The following LHFPL3 variants were observed in gnomAD, a reference collection of about 807,000 sequenced individuals.
The protein encoded by LHFPL3 is LHFPL tetraspan subfamily member 3.
Under a neutral mutation model 19.3 loss-of-function variants are expected in LHFPL3, and 5 were observed. The ratio of observed to expected loss-of-function variants is 0.26; its 90% confidence interval spans 0.14 to 0.54. LHFPL3 has a LOEUF of 0.54. Ranked by LOEUF, LHFPL3 falls within the 20% of genes least tolerant of loss-of-function variation. The pLI is 0.94. For missense variants in LHFPL3, 249 were observed against 307.4 expected (o/e 0.81, Z 1.42); for synonymous variants, 133 against 126.2 (o/e 1.05, Z -0.36).
intron 1 of LHFPL3, among the ~76,000 whole-genome samples, chr7:104,499,545 A>T (rs1793557666): frequency 6.6e-6 from 1 of 152,218 alleles, no homozygotes. Context: ...TCCATGACTC[A>T]GAGACCTTTG....
chr7:104,452,552 T>C (rs1311397648), intron 1 of LHFPL3, among the ~76,000 whole-genome samples: 1 of 152,208 alleles, frequency 6.6e-6, no homozygotes, highest in Non-Finnish European at 1.5e-5. Flanking sequence ...TACCTAATGA[T>C]GAACTGGTAT....
chr7:104,686,348 GA>G (rs1792805649), intron 1 of LHFPL3, among the ~76,000 whole-genome samples: 1 of 152,168 alleles, frequency 6.6e-6, no homozygotes, highest in Non-Finnish European at 1.5e-5. Flanking sequence ...TAGAGAAGTG[GA>G]ATTCACTGCA....
intron 1 of LHFPL3, among the ~76,000 whole-genome samples, chr7:104,559,553 T>C (rs1193149950): frequency 1.3e-5 from 2 of 151,840 alleles, no homozygotes; most frequent in East Asian, 3.9e-4. Context: ...TTTGCTGAAG[T>C]TGCTTATCAG....
chr7:104,752,924 G>A (rs1165912769), intron 2 of LHFPL3: 1 of 333,192 alleles, frequency 3.0e-6, no homozygotes, highest in Non-Finnish European at 5.4e-6. Context: ...TCTTACATCA[G>A]TGTGGTCCAG....
chr7:104,689,668 T>C (rs1448676105), intron 1 of LHFPL3, among the ~76,000 whole-genome samples: 1 of 152,116 alleles, frequency 6.6e-6, no homozygotes, highest in Non-Finnish European at 1.5e-5. Context: ...TAACTGTGCA[T>C]TGGGAAAAGG....
At chr7:104,367,364 C>T (rs984160671) in intron 1 of LHFPL3, among the ~76,000 whole-genome samples, 3 of 152,188 alleles carry the variant, frequency 2.0e-5, no homozygotes, top group Non-Finnish European at 4.4e-5. Flanking sequence ...ATCAGATGTT[C>T]TATGGTTAAC....
chr7:104,707,419 C>G (rs1195421774), intron 1 of LHFPL3, among the ~76,000 whole-genome samples: 1 of 152,176 alleles, frequency 6.6e-6, no homozygotes, highest in Non-Finnish European at 1.5e-5. Flanking sequence ...TAGGAATTAC[C>G]AGGGTGTACT....
At chr7:104,494,059 A>T (rs1464803302) in intron 1 of LHFPL3, among the ~76,000 whole-genome samples, 1 of 152,238 alleles carries the variant, frequency 6.6e-6, no homozygotes, top group African/African-American at 2.4e-5. Flanking sequence ...TAGAAAATTT[A>T]AAACTGCATA....
intron 1 of LHFPL3, among the ~76,000 whole-genome samples, chr7:104,518,835 A>G (rs1044499342): frequency 3.4e-5 from 5 of 145,160 alleles, no homozygotes; most frequent in African/African-American, 5.7e-5. Flanking sequence ...AGATAGATAG[A>G]TAGATAGATA....
At chr7:104,801,398 G>A (rs1295928007) in intron 2 of LHFPL3, among the ~76,000 whole-genome samples, 4 of 152,178 alleles carry the variant, frequency 2.6e-5, no homozygotes, top group Non-Finnish European at 4.4e-5. Flanking sequence ...AAGGGGGTCA[G>A]GGGGATTCGT....
At chr7:104,532,318 C>CTT (rs71155504) in intron 1 of LHFPL3, among the ~76,000 whole-genome samples, 27,183 of 86,990 alleles carry the variant, frequency 0.31, 3,420 homozygotes, top group Middle Eastern at 0.36. Context: ...TTCTTTCTGT[C>CTT]TTTTTTTTTT....
intron 1 of LHFPL3, among the ~76,000 whole-genome samples, chr7:104,446,000 C>T (rs1018036058): frequency 6.6e-5 from 10 of 152,124 alleles, no homozygotes; most frequent in African/African-American, 9.6e-5. Context: ...TTGTTCTTAT[C>T]GACAGGAAGG....
At chr7:104,839,876 G>C (rs1355727950) in intron 2 of LHFPL3, among the ~76,000 whole-genome samples, 1 of 152,014 alleles carries the variant, frequency 6.6e-6, no homozygotes, top group Non-Finnish European at 1.5e-5. Flanking sequence ...TGGTGGGGTG[G>C]TCCTGGATCA....
intron 1 of LHFPL3, among the ~76,000 whole-genome samples, chr7:104,614,680 C>CTTCCTTCCTTCTTTCTTTCTTTCT (rs767634683): frequency 2.1e-5 from 2 of 94,416 alleles, no homozygotes; most frequent in Non-Finnish European, 4.4e-5. Context: ...TCCTTCCTTC[C>CTTCCTTCCTTCTTTCTTTCTTTCT]TTCTTTCTTT....
chr7:104,900,624 C>G (rs989028984), intron 2 of LHFPL3, among the ~76,000 whole-genome samples: 1 of 152,172 alleles, frequency 6.6e-6, no homozygotes, highest in Non-Finnish European at 1.5e-5. Flanking sequence ...GGGCTCCAGA[C>G]CCTAATTAAA....
At chr7:104,788,299 G>A (rs991448599) in intron 2 of LHFPL3, among the ~76,000 whole-genome samples, 1 of 152,110 alleles carries the variant, frequency 6.6e-6, no homozygotes, top group African/African-American at 2.4e-5. Context: ...GATCTGAAAT[G>A]GCTCTTCAAG....
Position 104,478,644 on chromosome 7 carries a change from A to C in LHFPL3, c.445+149420A>C, listed in dbSNP as rs147858604. Among the ~76,000 whole-genome samples the C allele has an allele frequency of 4.6e-3, 695 of 152,276 alleles. 7 individuals are homozygous for C. The highest frequency in any genetic ancestry group is 0.01 in the Admixed American group (156 of 15,302). On this transcript the variant is annotated intron_variant, in intron 1 of 2. Coordinates refer to ENST00000424859, the MANE Select transcript of LHFPL3 (RefSeq NM_199000.3). ...TCCCTGGATCTTCTTTGAATGATAC[A>C]GTGTGTTCCATGCATTCCATCCCTG...
chr7:104,542,700 G>A (rs1336681398), intron 1 of LHFPL3, among the ~76,000 whole-genome samples: 1 of 152,110 alleles, frequency 6.6e-6, no homozygotes, highest in East Asian at 1.9e-4. Context: ...TGGGGGGAGA[G>A]AAAAGACAAT....
intron 1 of LHFPL3, among the ~76,000 whole-genome samples, chr7:104,611,154 G>T (rs114840283): frequency 6.6e-6 from 1 of 152,156 alleles, no homozygotes; most frequent in Non-Finnish European, 1.5e-5. Flanking sequence ...CCTGGGTAGT[G>T]GCAGTGATGA....
Sources: allele counts gnomAD v4.1 joint callset (sites outside exome capture counted in the v4.1 genomes callset), GRCh38; gene constraint gnomAD v4.1.1; transcripts MANE v1.5; gene names NCBI Gene and HGNC (gene_info 2026-07-23, HGNC 2026-07-21).